The following SNTB2 variants were observed in gnomAD, a reference collection of about 807,000 sequenced individuals.
SNTB2 encodes the protein syntrophin beta 2, also known as beta-2-syntrophin.
In SNTB2, 34 loss-of-function variants were observed where a neutral mutation model predicts 46.2. The ratio of observed to expected loss-of-function variants is 0.74; its 90% CI spans 0.56 to 0.98. The LOEUF is 0.98. SNTB2 is among the 50% of genes least tolerant of loss of function. SNTB2 has a pLI of 0.00. For synonymous variants in SNTB2, 290 were observed against 312.6 expected, an observed-to-expected ratio of 0.93 and a Z score of 0.76; for missense variants, 603 against 731.4, an observed-to-expected ratio of 0.82 and a Z score of 2.02.
At chr16:69,225,159 G>A (rs1430973788) in intron 1 of SNTB2, among the ~76,000 whole-genome samples, 1 of 152,174 alleles carries the variant, frequency 6.6e-6, no homozygotes, top group African/African-American at 2.4e-5. Flanking sequence ...ACAAAAAAGA[G>A]AAAAGAAAAT....
intron 1 of SNTB2, among the ~76,000 whole-genome samples, chr16:69,206,548 G>A (rs1178100769): frequency 3.3e-5 from 5 of 151,390 alleles, no homozygotes; most frequent in Admixed American, 6.6e-5. Flanking sequence ...AAAATTAGCC[G>A]GGCGTGGTGG....
chr16:69,205,074 C>T (rs541285480), intron 1 of SNTB2, among the ~76,000 whole-genome samples: 6 of 152,122 alleles, frequency 3.9e-5, no homozygotes, highest in African/African-American at 1.4e-4. Context: ...ATTTACTTCC[C>T]TAGACTTTAA....
chr16:69,247,168 T>C (rs1195056337), intron 2 of SNTB2, among the ~76,000 whole-genome samples: 1 of 151,968 alleles, frequency 6.6e-6, no homozygotes, highest in Non-Finnish European at 1.5e-5. Context: ...GAGGTCTGCA[T>C]TATGGTTCTG....
chr16:69,284,466 A>ATT (rs1965081450), intron 5 of SNTB2, among the ~76,000 whole-genome samples: 1 of 123,262 alleles, frequency 8.1e-6, no homozygotes, highest in Non-Finnish European at 1.8e-5. Context: ...TACTAAAAAA[A>ATT]AAAAAAAAAA....
At chr16:69,246,717 T>C (rs1444465638) in intron 2 of SNTB2, among the ~76,000 whole-genome samples, 1 of 145,758 alleles carries the variant, frequency 6.9e-6, no homozygotes, top group South Asian at 2.2e-4. Context: ...GGTAAACTAT[T>C]GATTATTGCC....
intron 6 of SNTB2, among the ~76,000 whole-genome samples, chr16:69,300,497 G>A (rs1037874211): frequency 3.9e-5 from 6 of 152,022 alleles, no homozygotes; most frequent in African/African-American, 1.4e-4. Flanking sequence ...TGATCTGCCC[G>A]CCTCAGCCTC....
At chr16:69,215,944 C>T (rs1313131249) in intron 1 of SNTB2, among the ~76,000 whole-genome samples, 1 of 151,948 alleles carries the variant, frequency 6.6e-6, no homozygotes, top group Non-Finnish European at 1.5e-5. Flanking sequence ...CTAGGACCAC[C>T]GGTATGCACC....
chr16:69,267,007 T>C (rs1345211413), intron 3 of SNTB2, among the ~76,000 whole-genome samples: 1 of 151,980 alleles, frequency 6.6e-6, no homozygotes, highest in East Asian at 1.9e-4. Context: ...CAGTAAAACA[T>C]TTACTTTTAA....
intron 1 of SNTB2, among the ~76,000 whole-genome samples, chr16:69,199,266 C>T (rs931282615): frequency 4.6e-5 from 7 of 152,018 alleles, no homozygotes; most frequent in East Asian, 1.9e-4. Context: ...TCAGATGGAA[C>T]CTCAAGATTT....
At chr16:69,300,343 C>G (rs1280888998) in intron 6 of SNTB2, among the ~76,000 whole-genome samples, 1 of 151,822 alleles carries the variant, frequency 6.6e-6, no homozygotes, top group Non-Finnish European at 1.5e-5. Context: ...CTCTGCCTCC[C>G]TGGTTCAAGC....
chr16:69,226,608 C>A (rs1278236880), intron 1 of SNTB2, among the ~76,000 whole-genome samples: 1 of 152,202 alleles, frequency 6.6e-6, no homozygotes, highest in Admixed American at 6.5e-5. Flanking sequence ...TGGCTCACTG[C>A]AGCCTCAACC....
chr16:69,271,563 G>A (rs1007780703), intron 4 of SNTB2, among the ~76,000 whole-genome samples: 1 of 152,042 alleles, frequency 6.6e-6, no homozygotes, highest in African/African-American at 2.4e-5. Context: ...TAGTTTCTCT[G>A]TCATGGTTAC....
intron 1 of SNTB2, among the ~76,000 whole-genome samples, chr16:69,207,154 C>CTTTTTTT (rs1555497921): frequency 7.9e-6 from 1 of 126,448 alleles, no homozygotes; most frequent in Admixed American, 8.4e-5. Flanking sequence ...TTCTTTCTTT[C>CTTTTTTT]TTTTTTTTTT....
chr16:69,224,090 C>T (rs62055848), intron 1 of SNTB2, among the ~76,000 whole-genome samples: 210 of 152,134 alleles, frequency 1.4e-3, no homozygotes, highest in Non-Finnish European at 2.2e-3. Context: ...AGTGATGTAT[C>T]ATTCTCAGTG....
chr16:69,293,510 A>C (rs578067524), intron 5 of SNTB2, among the ~76,000 whole-genome samples: 1 of 152,194 alleles, frequency 6.6e-6, no homozygotes, highest in African/African-American at 2.4e-5. Context: ...TGTAATGGCA[A>C]TGGCAGATTG....
At chr16:69,248,505 A>G (rs1215154789) in intron 2 of SNTB2, among the ~76,000 whole-genome samples, 4 of 152,098 alleles carry the variant, frequency 2.6e-5, no homozygotes, top group Non-Finnish European at 5.9e-5. Flanking sequence ...GGTGGCAGGC[A>G]CCTGTAATCC....
Position 69,243,793 on chromosome 16 carries a change from G to A in SNTB2, c.581-1809G>A, listed in dbSNP as rs1426118030. On this transcript the variant is annotated intron_variant, in intron 1 of 6. Transcript: ENST00000336278. The stretch of plus-strand genomic sequence containing the variant: ...TCTAGGGTAAAAAAATCTCCTTGGT[G>A]ACCTGAGGCAGCTACCCAGAAGCAC... 2.0e-5 allele frequency among the ~76,000 whole-genome samples: 3 copies of A among 152,142 alleles called. No homozygotes were observed. In the East Asian group the frequency reaches 5.8e-4, roughly 29 times the overall value.
chr16:69,291,508 C>T (rs1001193604), intron 5 of SNTB2, among the ~76,000 whole-genome samples: 15 of 151,882 alleles, frequency 9.9e-5, no homozygotes, highest in African/African-American at 3.4e-4. Context: ...CACCAGAGTT[C>T]GAGACTAGCC....
At chr16:69,238,693 G>C (rs2152295988) in intron 1 of SNTB2, among the ~76,000 whole-genome samples, 1 of 151,956 alleles carries the variant, frequency 6.6e-6, no homozygotes, top group East Asian at 1.9e-4. Flanking sequence ...GCCTTGTTCG[G>C]GACAAAAATC....
Sources: allele counts gnomAD v4.1 joint callset (sites outside exome capture counted in the v4.1 genomes callset), GRCh38; gene constraint gnomAD v4.1.1; transcripts MANE v1.5; gene names NCBI Gene and HGNC (gene_info 2026-07-23, HGNC 2026-07-21).